The following GMDS variants were observed in gnomAD, a reference collection of about 807,000 sequenced individuals.
The protein encoded by GMDS is GDP-mannose 4,6 dehydratase.
Under a neutral mutation model 49.9 loss-of-function variants are expected in GMDS, and 20 were observed. That is an observed-to-expected ratio of 0.40 (90% CI 0.28 to 0.58). The LOEUF is 0.58. GMDS is among the 20% of genes least tolerant of loss of function. The pLI, the probability that GMDS is intolerant of heterozygous loss-of-function variation, is 0.42. For synonymous variants in GMDS, 177 were observed against 178.6 expected, an observed-to-expected ratio of 0.99 and a Z score of 0.07; for missense variants, 362 against 481.4, an observed-to-expected ratio of 0.75 and a Z score of 2.32.
chr6:1,894,049 C>T lies in GMDS; in HGVS notation c.771+36054G>A, dbSNP rs1316955859. Reference sequence around the variant, plus strand: ...ATGCAGCTGAGAGACAAGAGGTCACCGGAACTGATGAAAATATTTAATTAA... The same window carrying T: ...ATGCAGCTGAGAGACAAGAGGTCACTGGAACTGATGAAAATATTTAATTAA... On this transcript the variant is annotated intron_variant, in intron 7 of 10. Transcript: ENST00000380815. Among the ~76,000 whole-genome samples the T allele has an allele frequency of 3.9e-5, 6 of 152,102 alleles. No individual in the cohort carries two copies. In the South Asian group the frequency reaches 6.2e-4, roughly 16 times the overall value.
intron 1 of GMDS, among the ~76,000 whole-genome samples, chr6:2,130,239 A>C (rs1775657422): frequency 6.6e-6 from 1 of 152,226 alleles, no homozygotes; most frequent in South Asian, 2.1e-4. Flanking sequence ...GTAGAAAGGA[A>C]ATGAGGATAC....
chr6:1,831,968 A>G (rs996559253), intron 7 of GMDS, among the ~76,000 whole-genome samples: 1 of 152,158 alleles, frequency 6.6e-6, no homozygotes, highest in Non-Finnish European at 1.5e-5. Flanking sequence ...ACAAAAAACC[A>G]TAAGGTGGTT....
intron 4 of GMDS, among the ~76,000 whole-genome samples, chr6:2,074,309 A>G (rs1772189844): frequency 6.6e-6 from 1 of 152,202 alleles, no homozygotes. Flanking sequence ...GGCCACTTGC[A>G]TGGCTTTGGA....
At chr6:1,643,061 A>G (rs1223933148) in intron 9 of GMDS, among the ~76,000 whole-genome samples, 2 of 151,918 alleles carry the variant, frequency 1.3e-5, no homozygotes, top group Non-Finnish European at 2.9e-5. Context: ...ACTTCCTTTT[A>G]TTTTCTTATC....
At chr6:1,722,347 A>G (rs1320805666) in intron 9 of GMDS, among the ~76,000 whole-genome samples, 1 of 151,492 alleles carries the variant, frequency 6.6e-6, no homozygotes, top group Admixed American at 6.6e-5. Context: ...TCGGCCTCCC[A>G]AAATGCTGGG....
chr6:1,810,703 T>C (rs1770382869), intron 7 of GMDS, among the ~76,000 whole-genome samples: 1 of 152,092 alleles, frequency 6.6e-6, no homozygotes, highest in African/African-American at 2.4e-5. Flanking sequence ...TCAAAATTAC[T>C]AAGGGTTTCC....
chr6:1,973,068 A>G (rs1430676402), intron 4 of GMDS, among the ~76,000 whole-genome samples: 6 of 152,172 alleles, frequency 3.9e-5, no homozygotes, highest in Non-Finnish European at 8.8e-5. Flanking sequence ...AAGTCACTAA[A>G]TCTCTCTTAC....
chr6:2,158,285 G>A (rs1008263938), intron 1 of GMDS, among the ~76,000 whole-genome samples: 2 of 152,068 alleles, frequency 1.3e-5, no homozygotes, highest in African/African-American at 2.4e-5. Context: ...GTACGCATAA[G>A]GGAAACAGAA....
chr6:2,043,571 A>C (rs1273993822), intron 4 of GMDS: 3 of 152,246 alleles, frequency 2.0e-5, no homozygotes, highest in Non-Finnish European at 4.4e-5. Context: ...ATTTTGAATT[A>C]AATAAAACAT....
intron 4 of GMDS, among the ~76,000 whole-genome samples, chr6:2,100,289 C>T (rs908977980): frequency 2.0e-5 from 3 of 151,914 alleles, no homozygotes; most frequent in South Asian, 2.1e-4. Context: ...AAATAAATTG[C>T]CAATATAGTG....
chr6:2,174,550 T>C (rs1778176871), intron 1 of GMDS, among the ~76,000 whole-genome samples: 1 of 139,876 alleles, frequency 7.1e-6, no homozygotes, highest in Admixed American at 7.9e-5. Context: ...GCCTAGTTTT[T>C]TTTGTTTTGT....
rs149835867 is a variant in GMDS at position 1,911,200 on chromosome 6, G to A, written c.771+18903C>T. The stretch of plus-strand genomic sequence containing the variant: ...CTACATACTGATCCGCGTAACCAGA[G>A]CTGGGGAAACTGTCTCCAGGGACAT... On this transcript the variant is annotated intron_variant, in intron 7 of 10. Coordinates refer to ENST00000380815, the MANE Select transcript of GMDS (RefSeq NM_001500.4). Among the ~76,000 whole-genome samples the A allele has an allele frequency of 3.3e-5, 5 of 152,338 alleles. No individual in the cohort carries two copies. The East Asian group carries it at 9.6e-4, about 29-fold the overall frequency.
intron 1 of GMDS, among the ~76,000 whole-genome samples, chr6:2,133,104 C>T (rs1290006196): frequency 6.6e-6 from 1 of 152,066 alleles, no homozygotes; most frequent in African/African-American, 2.4e-5. Context: ...TCTAATCACT[C>T]GAGTGATTTA....
At chr6:1,953,587 G>C (rs6917373) in intron 6 of GMDS, among the ~76,000 whole-genome samples, 1,836 of 152,186 alleles carry the variant, frequency 0.012, 36 homozygotes, top group African/African-American at 0.042. Flanking sequence ...CCAATGTTAA[G>C]AATTAAGACA....
chr6:2,079,483 T>C (rs1772546469), intron 4 of GMDS, among the ~76,000 whole-genome samples: 1 of 152,182 alleles, frequency 6.6e-6, no homozygotes, highest in Non-Finnish European at 1.5e-5. Flanking sequence ...TTCATGATGG[T>C]AAATGTAGTC....
intron 1 of GMDS, among the ~76,000 whole-genome samples, chr6:2,200,423 G>C (rs1425177464): frequency 1.3e-5 from 2 of 150,910 alleles, no homozygotes; most frequent in East Asian, 3.9e-4. Context: ...GGACATCCGA[G>C]ATGTAACCAT....
intron 1 of GMDS, among the ~76,000 whole-genome samples, chr6:2,177,256 C>G (rs1332434352): frequency 6.6e-6 from 1 of 152,010 alleles, no homozygotes; most frequent in Admixed American, 6.6e-5. Context: ...GTCTGCAGTA[C>G]GTATAATCTG....
chr6:1,866,671 G>T (rs1352252207), intron 7 of GMDS, among the ~76,000 whole-genome samples: 2 of 152,156 alleles, frequency 1.3e-5, no homozygotes, highest in Non-Finnish European at 2.9e-5. Context: ...TTTAAAAAAG[G>T]TAATGCATGC....
chr6:2,134,540 C>T (rs1473945893), intron 1 of GMDS, among the ~76,000 whole-genome samples: 1 of 152,240 alleles, frequency 6.6e-6, no homozygotes. Flanking sequence ...ATGCTAAGGC[C>T]GAAGTGAGTC....
Sources: allele counts gnomAD v4.1 joint callset (sites outside exome capture counted in the v4.1 genomes callset), GRCh38; gene constraint gnomAD v4.1.1; transcripts MANE v1.5; gene names NCBI Gene and HGNC (gene_info 2026-07-23, HGNC 2026-07-21).